The following PNPLA8 variants were observed in gnomAD, a reference collection of about 807,000 sequenced individuals.
The protein encoded by PNPLA8 is calcium-independent phospholipase A2-gamma.
Under a neutral mutation model 76.9 loss-of-function variants are expected in PNPLA8, and 39 were observed. That is an observed-to-expected ratio of 0.51 (90% CI 0.39 to 0.66). PNPLA8 has a LOEUF of 0.66. Among genes scored for constraint, PNPLA8 ranks in the 30% least tolerant of loss-of-function variants. The pLI, the probability that PNPLA8 is intolerant of heterozygous loss-of-function variation, is 0.00. For missense variants in PNPLA8, 887 were observed against 918.0 expected (o/e 0.97, Z 0.44); for synonymous variants, 301 against 307.9 (o/e 0.98, Z 0.24).
intron 7 of PNPLA8, among the ~76,000 whole-genome samples, chr7:108,494,475 GTTC>G (rs1294832307): frequency 6.6e-6 from 1 of 152,154 alleles, no homozygotes; most frequent in Non-Finnish European, 1.5e-5. Flanking sequence ...TTGGTTTTAT[GTTC>G]TTGTGTTAGG....
chr7:108,507,091 C>T (rs1378856044), intron 4 of PNPLA8, among the ~76,000 whole-genome samples: 5 of 151,888 alleles, frequency 3.3e-5, no homozygotes, highest in Admixed American at 6.6e-5. Flanking sequence ...GCCTGTAATC[C>T]CAGCACTTTG....
At chr7:108,516,726 C>A (rs571725205) in intron 2 of PNPLA8, among the ~76,000 whole-genome samples, 2 of 152,126 alleles carry the variant, frequency 1.3e-5, no homozygotes, top group African/African-American at 2.4e-5. Flanking sequence ...CATGGTGAAA[C>A]CCCATCTCTA....
chr7:108,481,520 T>C (rs1860394730), intron 9 of PNPLA8, among the ~76,000 whole-genome samples: 1 of 152,240 alleles, frequency 6.6e-6, no homozygotes, highest in African/African-American at 2.4e-5. Context: ...CTGAAGTGTC[T>C]GTTCAAGTCT....
At position 108,472,478 on chromosome 7, in the gene PNPLA8, T is replaced by C. The variant is rs1454351971; in HGVS notation, c.2272A>G (p.Thr758Ala). 1 of 1,602,512 alleles carries C rather than the reference T, an allele frequency of 6.2e-7. No homozygotes were observed. The highest frequency in any genetic ancestry group is 8.5e-7 in the Non-Finnish European group (1 of 1,172,878). Reference sequence around the variant, plus strand: ...ATCCAATCATTAATTTTCTGCAGAGTTGTTTTTTCTTGACTTAATATTTTT... The same window carrying C: ...ATCCAATCATTAATTTTCTGCAGAGCTGTTTTTTCTTGACTTAATATTTTT... Reference protein sequence around the residue: ...VAKILSQEKTTLQKINDWIKL... With the variant: ...VAKILSQEKTALQKINDWIKL... Residue 758 changes from threonine to alanine, a missense_variant, in exon 11 of 11, where the codon ACT becomes GCT. Coordinates refer to ENST00000257694, the MANE Select transcript of PNPLA8 (RefSeq NM_001256007.3).
At chr7:108,510,652 A>G (rs539226918) in intron 4 of PNPLA8, 2 of 1,588,578 alleles carry the variant, frequency 1.3e-6, no homozygotes, top group Non-Finnish European at 1.7e-6. Flanking sequence ...CATATATTGC[A>G]TGGGGGTACC....
intron 2 of PNPLA8, among the ~76,000 whole-genome samples, chr7:108,519,167 A>G (rs1343363319): frequency 1.3e-5 from 2 of 152,102 alleles, no homozygotes; most frequent in Non-Finnish European, 2.9e-5. Flanking sequence ...ATAACGGTAA[A>G]CAAAACAAAC....
Position 108,514,696 on chromosome 7 carries a change from C to A in PNPLA8, c.796G>T (p.Val266Leu). 6.2e-7 allele frequency: 1 copy of A among 1,614,054 alleles called. No individual in the cohort carries two copies. Among genetic ancestry groups the A allele is most frequent in the Non-Finnish European group, 8.5e-7 (1 of 1,179,958 alleles). Residue 266 changes from valine to leucine, a missense_variant, in exon 3 of 11, where the codon GTG (valine) becomes TTG (leucine). Physicochemically the swap from Val to Leu is conservative, Grantham distance 32 (BLOSUM62 1). Transcript: ENST00000257694. ...YKPGSESVHT[V>L]DKPTSPSAIP... The stretch of plus-strand genomic sequence containing the variant: ...GCAGAAGGACTTGTAGGCTTGTCCA[C>A]CGTATGTACAGATTCTGAGCCTGGC...
At chr7:108,507,846 C>A (rs1339254165) in intron 4 of PNPLA8, among the ~76,000 whole-genome samples, 1 of 150,840 alleles carries the variant, frequency 6.6e-6, no homozygotes, top group Non-Finnish European at 1.5e-5. Context: ...GGGCTTCATC[C>A]CTGGGATGCA....
chr7:108,498,223 T>G (rs1034329328), intron 5 of PNPLA8, among the ~76,000 whole-genome samples: 1 of 151,536 alleles, frequency 6.6e-6, no homozygotes, highest in Admixed American at 6.6e-5. Flanking sequence ...CTTACTAACA[T>G]AGTTGGTCAC....
At chr7:108,477,925 G>C (rs1449795864) in intron 10 of PNPLA8, among the ~76,000 whole-genome samples, 1 of 152,138 alleles carries the variant, frequency 6.6e-6, no homozygotes, top group Admixed American at 6.6e-5. Context: ...TACACTCACT[G>C]AATGCCTACT....
chr7:108,475,449 C>T (rs577230669), intron 10 of PNPLA8, among the ~76,000 whole-genome samples: 6 of 152,088 alleles, frequency 3.9e-5, no homozygotes, highest in Admixed American at 6.6e-5. Flanking sequence ...TTGTTAATCT[C>T]TATCCCTCAA....
intron 10 of PNPLA8, among the ~76,000 whole-genome samples, chr7:108,475,287 G>A (rs1295726747): frequency 6.6e-6 from 1 of 152,116 alleles, no homozygotes; most frequent in Non-Finnish European, 1.5e-5. Context: ...CACAATAAAT[G>A]TAATGTGCTT....
At chr7:108,477,096 T>C (rs540881954) in intron 10 of PNPLA8, among the ~76,000 whole-genome samples, 1 of 152,358 alleles carries the variant, frequency 6.6e-6, no homozygotes, top group Admixed American at 6.5e-5. Context: ...GTATTAAGTT[T>C]TGTTTACTTT....
At chr7:108,490,023 T>C (rs1296825213) in intron 8 of PNPLA8, among the ~76,000 whole-genome samples, 1 of 152,238 alleles carries the variant, frequency 6.6e-6, no homozygotes, top group Admixed American at 6.5e-5. Context: ...GGACCGCATA[T>C]ACAACAGTGG....
At chr7:108,516,275 T>A (rs538978057) in intron 2 of PNPLA8, among the ~76,000 whole-genome samples, 1 of 152,058 alleles carries the variant, frequency 6.6e-6, no homozygotes, top group Non-Finnish European at 1.5e-5. Context: ...GACAAATAGA[T>A]CAATGGAACA....
intron 10 of PNPLA8, among the ~76,000 whole-genome samples, chr7:108,475,299 A>T (rs1380571321): frequency 1.3e-5 from 2 of 152,154 alleles, no homozygotes; most frequent in Non-Finnish European, 2.9e-5. Context: ...AATGTGCTTG[A>T]ATTATCCCAA....
At chr7:108,511,262 G>A (rs1219532888) in intron 4 of PNPLA8, among the ~76,000 whole-genome samples, 1 of 152,128 alleles carries the variant, frequency 6.6e-6, no homozygotes, top group Non-Finnish European at 1.5e-5. Context: ...ATTAGTTCTG[G>A]AAATGATTAG....
intron 10 of PNPLA8, among the ~76,000 whole-genome samples, chr7:108,473,957 G>T (rs1262763069): frequency 6.6e-6 from 1 of 152,078 alleles, no homozygotes; most frequent in Non-Finnish European, 1.5e-5. Flanking sequence ...CACCCAAAGT[G>T]CTGGGATTAC....
intron 4 of PNPLA8, among the ~76,000 whole-genome samples, chr7:108,508,722 A>G (rs1359613014): frequency 1.3e-5 from 2 of 151,876 alleles, no homozygotes; most frequent in Non-Finnish European, 2.9e-5. Flanking sequence ...TGCCAAGTCA[A>G]TCCTAAGCCA....
Sources: gnomAD v4.1 joint callset for allele counts (sites outside exome capture counted in the v4.1 genomes callset) on GRCh38, gnomAD v4.1.1 for gene constraint, MANE v1.5 for transcripts, NCBI Gene and HGNC (gene_info 2026-07-23, HGNC 2026-07-21) for gene names.